The following BPIFB3 variants were observed in gnomAD, a reference collection of about 807,000 sequenced individuals.
The protein encoded by BPIFB3 is BPI fold containing family B member 3, also known as BPI fold-containing family B member 3.
In BPIFB3, 49 loss-of-function variants were observed where a neutral mutation model predicts 53.1. The ratio of observed to expected loss-of-function variants is 0.92; its 90% CI spans 0.73 to 1.17. The LOEUF (loss-of-function observed/expected upper bound fraction) is 1.17. Ranked by LOEUF, BPIFB3 falls within the 50% of genes most tolerant of loss-of-function variation. The probability of loss-of-function intolerance (pLI) is 0.00; values close to 1 mark genes in which losing one functional copy is unlikely to be tolerated. For missense variants in BPIFB3, 628 were observed against 592.5 expected (o/e 1.06, Z -0.62); for synonymous variants, 271 against 269.6 (o/e 1.01, Z -0.05).
chr20:33,055,930 T>C (rs577980020), intron 1 of BPIFB3, among the ~76,000 whole-genome samples: 1 of 152,214 alleles, frequency 6.6e-6, no homozygotes, highest in East Asian at 1.9e-4. Context: ...CGGTGGCCTG[T>C]GGTGACAGTC....
rs187355596 is a variant in BPIFB3 at position 33,073,369 on chromosome 20, G to T, written c.1402-207G>T. Among the ~76,000 whole-genome samples, 8 of 152,322 alleles carry T rather than the reference G, an allele frequency of 5.3e-5. 1 individual carries two copies. In the East Asian group the frequency reaches 1.5e-3, roughly 29 times the overall value. ...TCACCAGTAAATTAATAGCAGAAAT[G>T]GCAGTTGAACTTGAGTCTATTAAGT... On this transcript the variant is annotated intron_variant, in intron 14 of 14. Coordinates refer to ENST00000375494, the Ensembl canonical transcript of BPIFB3.
At chr20:33,069,999 G>A in intron 11 of BPIFB3, 44 bp downstream of exon 12, 1 of 1,599,992 alleles carries the variant, frequency 6.3e-7, no homozygotes, top group East Asian at 2.2e-5. Flanking sequence ...TTGTCTTTAG[G>A]AACAAGAATT....
intron 4 of BPIFB3, among the ~76,000 whole-genome samples, chr20:33,061,368 A>C (rs1980446565): frequency 6.6e-6 from 1 of 151,820 alleles, no homozygotes; most frequent in Non-Finnish European, 1.5e-5. Flanking sequence ...TCATTCATTC[A>C]TTCATCTAAC....
intron 1 of BPIFB3, among the ~76,000 whole-genome samples, chr20:33,056,230 C>T (rs1296204917): frequency 6.6e-6 from 1 of 152,216 alleles, no homozygotes; most frequent in Non-Finnish European, 1.5e-5. Flanking sequence ...ACTTTGGACA[C>T]GTCTCTGCCC....
chr20:33,060,227 A>G (rs1236118514), intron 4 of BPIFB3, among the ~76,000 whole-genome samples, 196 bp downstream of exon 5: 1 of 152,132 alleles, frequency 6.6e-6, no homozygotes, highest in East Asian at 1.9e-4. Context: ...CTCCGGCTTA[A>G]TCCATAGCTT....
At chr20:33,058,782 C>G (rs1362466776) in intron 2 of BPIFB3, among the ~76,000 whole-genome samples, 2 of 151,758 alleles carry the variant, frequency 1.3e-5, no homozygotes, top group African/African-American at 4.8e-5. Context: ...GGGCATCTGC[C>G]CGAGGCAGAA....
At chr20:33,063,496 T>C in intron 5 of BPIFB3, 119 bp from the exon 7 acceptor site, 1 of 1,080,746 alleles carries the variant, frequency 9.3e-7, no homozygotes, top group Non-Finnish European at 1.4e-6. Flanking sequence ...GTCTCTGCCT[T>C]CCGCCTTGCC....
chr20:33,057,522 C>A (rs73615625), intron 2 of BPIFB3, among the ~76,000 whole-genome samples: 95 of 30,830 alleles, frequency 3.1e-3, no homozygotes, highest in South Asian at 0.013. Flanking sequence ...AAGACTGCTA[C>A]GATTGTCTGA....
chr20:33,055,657 A>C, intron 1 of BPIFB3, 110 bp downstream of exon 2: 1 of 1,484,584 alleles, frequency 6.7e-7, no homozygotes, highest in Non-Finnish European at 9.2e-7. Flanking sequence ...TGTGATTCTC[A>C]GCTGCTTAGA....
intron 5 of BPIFB3, among the ~76,000 whole-genome samples, chr20:33,062,668 C>A (rs530041023): frequency 2.0e-5 from 3 of 152,314 alleles, no homozygotes; most frequent in African/African-American, 7.2e-5. Context: ...AACGAGCATT[C>A]ATTGCCAACA....
At chr20:33,059,311 C>A in intron 2 of BPIFB3, 67 bp from the exon 4 acceptor site, 1 of 1,223,136 alleles carries the variant, frequency 8.2e-7, no homozygotes, top group Non-Finnish European at 1.2e-6. Context: ...CACCAAGAGC[C>A]ACTCTGGGCG....
chr20:33,072,233 C>T (rs1980935732), intron 13 of BPIFB3, 66 bp downstream of exon 14: 2 of 1,526,138 alleles, frequency 1.3e-6, no homozygotes, highest in East Asian at 4.5e-5. Context: ...AGTCTGTTGC[C>T]TCTCTTTATG....
rs117989719 is a variant in BPIFB3, at chr20:33,064,509, G to C, written c.705G>C (p.Leu235Phe). The C allele has an allele frequency of 8.4e-3, 13,541 of 1,613,912 alleles. 82 individuals carry two copies. Among genetic ancestry groups the C allele is most frequent in the Admixed American group, 0.012 (719 of 60,020 alleles). Residue 235 changes from leucine (L) to phenylalanine (F), a missense_variant, in exon 7 of 15, where the codon TTG becomes TTC. Transcript: ENST00000375494. The stretch of plus-strand genomic sequence containing the variant: ...CCGTGGAATTCTCTCTGGCCACATT[G>C]CCTCTCATCTCCAACCAGTACATAG...
chr20:33,059,490 T>G lies in BPIFB3; in HGVS notation c.386+8T>G, dbSNP rs768339727. On this transcript the variant is annotated splice_region_variant and intron_variant, in intron 3 of 14. Transcript: ENST00000375494. ...GGGCATGCATTGCTCTGGGTGAGTGTGTCCTGGGGACCTCTACCCTCCTGC... is the reference window on the plus strand; with the variant it reads ...GGGCATGCATTGCTCTGGGTGAGTGGGTCCTGGGGACCTCTACCCTCCTGC... 1.8e-5 allele frequency: 29 copies of G among 1,599,894 alleles called. No individual in the cohort carries two copies. In the South Asian group the frequency reaches 3.0e-4, roughly 17 times the overall value.
At chr20:33,056,683 T>C in exon 2 of BPIFB3, 1 of 1,602,300 alleles carries the variant, frequency 6.2e-7, no homozygotes, top group Non-Finnish European at 8.5e-7. Flanking sequence ...TTTGGCGTTG[T>C]CGAGGAGCTC....
intron 5 of BPIFB3, among the ~76,000 whole-genome samples, chr20:33,062,303 C>T (rs906224691): frequency 2.0e-5 from 3 of 152,152 alleles, no homozygotes; most frequent in East Asian, 1.9e-4. Flanking sequence ...CTTCTGCACT[C>T]GAGAGAGCTG....
chr20:33,072,266 CAG>C, intron 13 of BPIFB3, 99 bp downstream of exon 14: 21 of 1,287,278 alleles, frequency 1.6e-5, no homozygotes, highest in Non-Finnish European at 2.1e-5. Flanking sequence ...ACACTGAGGC[CAG>C]AGAGAGAGGT....
chr20:33,059,615 C>G (rs1980360226), intron 3 of BPIFB3, 133 bp downstream of exon 4: 1 of 747,816 alleles, frequency 1.3e-6, no homozygotes, highest in East Asian at 2.7e-5. Flanking sequence ...ATTTCCTCCC[C>G]AAGGGACTCC....
chr20:33,069,294 C>T (rs4911297), intron 10 of BPIFB3, among the ~76,000 whole-genome samples: 58,226 of 151,626 alleles, frequency 0.38, 11,858 homozygotes, highest in East Asian at 0.79. Context: ...CCTCCAGCTT[C>T]CTCTGACCCT....
Sources: allele counts gnomAD v4.1 joint callset (sites outside exome capture counted in the v4.1 genomes callset), GRCh38; gene constraint gnomAD v4.1.1; transcripts MANE v1.5; gene names NCBI Gene and HGNC (gene_info 2026-07-23, HGNC 2026-07-21).